Variants in IGSF21 observed in about 807,000 individuals in gnomAD.
The protein encoded by IGSF21 is immunoglobulin superfamily member 21.
IGSF21 carries 28 observed loss-of-function variants against 46.8 expected under a neutral mutation model. That is an observed-to-expected ratio of 0.60 (90% confidence interval 0.44 to 0.82). IGSF21 has a LOEUF of 0.82. Among genes scored for constraint, IGSF21 ranks in the 40% least tolerant of loss-of-function variants. The pLI, the probability that IGSF21 is intolerant of heterozygous loss-of-function variation, is 0.00. For synonymous variants in IGSF21, 284 were observed against 273.6 expected, an observed-to-expected ratio of 1.04 and a Z score of -0.38; for missense variants, 624 against 665.5, an observed-to-expected ratio of 0.94 and a Z score of 0.69.
At chr1:18,135,214 C>A (rs2124420316) in intron 1 of IGSF21, among the ~76,000 whole-genome samples, 1 of 152,260 alleles carries the variant, frequency 6.6e-6, no homozygotes, top group East Asian at 1.9e-4. Flanking sequence ...TAAAGAAACA[C>A]CTGAGACTGG....
At chr1:18,199,137 GC>G (rs1004495904) in intron 1 of IGSF21, among the ~76,000 whole-genome samples, 2 of 152,014 alleles carry the variant, frequency 1.3e-5, no homozygotes, top group Non-Finnish European at 2.9e-5. Flanking sequence ...GTTTTGCAAG[GC>G]CCCCCGGTAC....
At chr1:18,309,869 A>G (rs1054905396) in intron 3 of IGSF21, among the ~76,000 whole-genome samples, 9 of 152,212 alleles carry the variant, frequency 5.9e-5, no homozygotes, top group African/African-American at 1.9e-4. Context: ...GACAGTTTGG[A>G]CTGAGTCTCC....
chr1:18,113,700 T>A (rs1228724239), intron 1 of IGSF21: 1 of 132,560 alleles, frequency 7.5e-6, no homozygotes, highest in African/African-American at 2.9e-5. Flanking sequence ...AATCTGAATA[T>A]TGAGCGGAGT....
At chr1:18,291,174 G>C (rs112896254) in intron 2 of IGSF21, among the ~76,000 whole-genome samples, 33 of 152,174 alleles carry the variant, frequency 2.2e-4, no homozygotes, top group Admixed American at 1.3e-4. Flanking sequence ...CATGAACAGC[G>C]GGACAGCCCG....
chr1:18,115,476 T>TTGAA (rs1481121120), intron 1 of IGSF21: 1 of 152,210 alleles, frequency 6.6e-6, no homozygotes, highest in African/African-American at 2.4e-5. Context: ...GATGTGTTTG[T>TTGAA]TGAATGAATG....
At chr1:18,232,208 G>GTTTTTTTTT (rs1569586272) in intron 2 of IGSF21, among the ~76,000 whole-genome samples, 1 of 6,390 alleles carries the variant, frequency 1.6e-4, no homozygotes. Flanking sequence ...GCTCCAGACA[G>GTTTTTTTTT]CTTTTTTTTG....
intron 1 of IGSF21, among the ~76,000 whole-genome samples, chr1:18,162,699 C>T (rs1038867904): frequency 5.9e-5 from 9 of 152,220 alleles, no homozygotes; most frequent in Admixed American, 3.3e-4. Context: ...TGTAACTCCA[C>T]TGTAAGTTGA....
At chr1:18,263,167 C>T (rs2084961688) in intron 2 of IGSF21, among the ~76,000 whole-genome samples, 1 of 152,190 alleles carries the variant, frequency 6.6e-6, no homozygotes, top group Non-Finnish European at 1.5e-5. Flanking sequence ...AGAACAACAA[C>T]TCAGAGGGTT....
chr1:18,249,347 G>C (rs555124552), intron 2 of IGSF21, among the ~76,000 whole-genome samples: 18 of 152,164 alleles, frequency 1.2e-4, no homozygotes, highest in African/African-American at 4.3e-4. Flanking sequence ...CGAGTTAGGG[G>C]ATCAGCAGTT....
chr1:18,150,592 G>A (rs1228262913), intron 1 of IGSF21, among the ~76,000 whole-genome samples: 1 of 152,182 alleles, frequency 6.6e-6, no homozygotes, highest in Admixed American at 6.5e-5. Flanking sequence ...GGGGCTAGGC[G>A]AGACCGGTAA....
chr1:18,209,748 C>T (rs1288531841), intron 1 of IGSF21, among the ~76,000 whole-genome samples: 1 of 152,026 alleles, frequency 6.6e-6, no homozygotes, highest in African/African-American at 2.4e-5. Flanking sequence ...GCGTGAGCCA[C>T]CGCACCCGGC....
At position 18,148,549 on chromosome 1, in the gene IGSF21, T is replaced by C. The variant is rs150246762; in HGVS notation, c.70+40351T>C. ...CTAGTGGTAAAGCTGGGATTTGAAC[T>C]CAGGCAGTCCAGCTTCAGCGTCTAG... On this transcript the variant is annotated intron_variant, in intron 1 of 9. Transcript: ENST00000251296. Among the ~76,000 whole-genome samples, 531 of 152,302 alleles carry C rather than the reference T, an allele frequency of 3.5e-3. 2 individuals carry two copies. Among genetic ancestry groups the C allele is most frequent in the South Asian group, 0.01 (50 of 4,826 alleles).
rs376817887 is a variant in IGSF21, at chr1:18,236,907, G to A, written c.183+8897G>A. On this transcript the variant is annotated intron_variant, in intron 2 of 9. Coordinates refer to ENST00000251296, the MANE Select transcript of IGSF21 (RefSeq NM_032880.5). The stretch of plus-strand genomic sequence containing the variant: ...GGCAAGGGCAGATTCCTTGGAGGTC[G>A]TGGGGGCTAATGCCTAGCTAGAGTG... Among the ~76,000 whole-genome samples the A allele has an allele frequency of 5.3e-5, 8 of 152,316 alleles. No individual in the cohort carries two copies. The South Asian group carries it at 6.2e-4, about 12-fold the overall frequency.
chr1:18,325,234 G>A (rs890746498), intron 3 of IGSF21, among the ~76,000 whole-genome samples: 1 of 152,220 alleles, frequency 6.6e-6, no homozygotes, highest in African/African-American at 2.4e-5. Context: ...GTGTTTGAAA[G>A]AACCCCTGTC....
chr1:18,187,386 G>T (rs1388738507), intron 1 of IGSF21, among the ~76,000 whole-genome samples: 1 of 152,290 alleles, frequency 6.6e-6, no homozygotes, highest in Middle Eastern at 3.4e-3. Flanking sequence ...AGTAAAAGAG[G>T]TATAATAGAT....
At chr1:18,324,214 C>T (rs1290426491) in intron 3 of IGSF21, among the ~76,000 whole-genome samples, 2 of 152,176 alleles carry the variant, frequency 1.3e-5, no homozygotes, top group African/African-American at 2.4e-5. Context: ...ATGATTCGGC[C>T]GTGTCTTTTC....
In IGSF21 at chr1:18,313,450, C is replaced by T. The variant is rs866425747; in HGVS notation, c.306-21442C>T. 3.3e-5 allele frequency among the ~76,000 whole-genome samples: 5 copies of T among 152,284 alleles called. No homozygotes were observed. In the South Asian group the frequency reaches 1.0e-3, roughly 32 times the overall value. On this transcript the variant is annotated intron_variant, in intron 3 of 9. Coordinates refer to ENST00000251296, the MANE Select transcript of IGSF21 (RefSeq NM_032880.5). ...ACTCATCTCTCCATGCCTTGGTTTC[C>T]CCATCTCTAAAATGGACATGATGAT...
intron 4 of IGSF21, among the ~76,000 whole-genome samples, chr1:18,357,350 T>C (rs1413623040): frequency 7.8e-6 from 1 of 128,696 alleles, no homozygotes; most frequent in Non-Finnish European, 1.6e-5. Context: ...AAGATGGAGA[T>C]GGGGATGGGG....
At chr1:18,157,960 G>A (rs956247441) in intron 1 of IGSF21, among the ~76,000 whole-genome samples, 2 of 152,080 alleles carry the variant, frequency 1.3e-5, no homozygotes, top group Admixed American at 6.6e-5. Flanking sequence ...TACACCTCCC[G>A]TCAGCCAGAC....
Sources: allele counts gnomAD v4.1 joint callset (sites outside exome capture counted in the v4.1 genomes callset), GRCh38; gene constraint gnomAD v4.1.1; transcripts MANE v1.5; gene names NCBI Gene and HGNC (gene_info 2026-07-23, HGNC 2026-07-21).